The following CDK15 variants were observed in gnomAD, a reference collection of about 807,000 sequenced individuals.
The protein encoded by CDK15 is cyclin dependent kinase 15.
Under a neutral mutation model 60.3 loss-of-function variants are expected in CDK15, and 62 were observed. That is an observed-to-expected ratio of 1.03 (90% CI 0.84 to 1.27). The LOEUF is 1.27. Among genes scored for constraint, CDK15 ranks in the 50% most tolerant of loss-of-function variants. The pLI, the probability that CDK15 is intolerant of heterozygous loss-of-function variation, is 0.00. For synonymous variants in CDK15, 194 were observed against 195.7 expected, an observed-to-expected ratio of 0.99 and a Z score of 0.07; for missense variants, 541 against 527.8, an observed-to-expected ratio of 1.03 and a Z score of -0.25.
chr2:201,856,103 C>T (rs1349345210), intron 10 of CDK15, among the ~76,000 whole-genome samples: 1 of 152,190 alleles, frequency 6.6e-6, no homozygotes, highest in Admixed American at 6.5e-5. Flanking sequence ...GCTGGGATTA[C>T]AGGCATGAGC....
chr2:201,858,962 T>C (rs1203960830), intron 10 of CDK15, among the ~76,000 whole-genome samples: 1 of 152,046 alleles, frequency 6.6e-6, no homozygotes, highest in Non-Finnish European at 1.5e-5. Context: ...CACCCCCTTT[T>C]CACATGCTAA....
Position 201,806,583 on chromosome 2 carries a change from G to A in CDK15, c.-82G>A. On this transcript the variant is annotated 5_prime_UTR_variant, in exon 1 of 14. Transcript: ENST00000652192. ...TGAAAGCTCCACGCTGCTGACCTCTGGCAAAAAGGGAGAGAACAAGGATAG... is the reference window on the plus strand; with the variant it reads ...TGAAAGCTCCACGCTGCTGACCTCTAGCAAAAAGGGAGAGAACAAGGATAG... 2 of 1,447,092 alleles carry A rather than the reference G, an allele frequency of 1.4e-6. No homozygotes were observed. Among genetic ancestry groups the A allele is most frequent in the Non-Finnish European group, 1.8e-6 (2 of 1,089,328 alleles). The allele number at this position is 1,447,092 out of a possible 1,614,324, so 89.6% of individuals were successfully genotyped here. A position where few individuals can be genotyped will look rare whatever the true frequency, so the allele number is the denominator to read the frequency against.
chr2:201,862,914 C>T (rs570951829), intron 10 of CDK15, among the ~76,000 whole-genome samples: 6 of 152,286 alleles, frequency 3.9e-5, no homozygotes, highest in African/African-American at 7.2e-5. Context: ...TCCACCCAGA[C>T]GTGATTTTAG....
chr2:201,845,834 TAAAA>T (rs762600745), intron 8 of CDK15, among the ~76,000 whole-genome samples: 2 of 142,964 alleles, frequency 1.4e-5, no homozygotes, highest in African/African-American at 5.0e-5. Context: ...GGTTTGCGGT[TAAAA>T]AAAAAAAAGA....
chr2:201,869,320 A>T (rs893551859), intron 10 of CDK15, among the ~76,000 whole-genome samples: 4 of 146,058 alleles, frequency 2.7e-5, no homozygotes, highest in East Asian at 2.3e-4. Context: ...ACAGGGGGGA[A>T]TTGAACAATG....
chr2:201,833,024 C>T (rs142168960), intron 6 of CDK15, among the ~76,000 whole-genome samples: 174 of 140,704 alleles, frequency 1.2e-3, no homozygotes, highest in Non-Finnish European at 2.2e-3. Flanking sequence ...TCTTTTTTTC[C>T]CGTAAGTTTC....
At chr2:201,887,040 A>C (rs1398927853) in intron 12 of CDK15, among the ~76,000 whole-genome samples, 1 of 152,248 alleles carries the variant, frequency 6.6e-6, no homozygotes, top group Non-Finnish European at 1.5e-5. Flanking sequence ...TAAAACCTAG[A>C]TTAATGAAAA....
intron 8 of CDK15, among the ~76,000 whole-genome samples, chr2:201,842,717 TAGG>T (rs1697452016): frequency 6.6e-6 from 1 of 152,164 alleles, no homozygotes; most frequent in African/African-American, 2.4e-5. Context: ...AGAGAAAAAG[TAGG>T]AGGAGAACCA....
chr2:201,880,574 G>A (rs899473656), intron 12 of CDK15, among the ~76,000 whole-genome samples: 1 of 152,192 alleles, frequency 6.6e-6, no homozygotes, highest in Non-Finnish European at 1.5e-5. Flanking sequence ...TAGGTGAAGC[G>A]GATATGTCCT....
chr2:201,864,668 C>T (rs1323337505), intron 10 of CDK15, among the ~76,000 whole-genome samples: 2 of 151,976 alleles, frequency 1.3e-5, no homozygotes, highest in East Asian at 3.9e-4. Context: ...CCCAAAGTGC[C>T]GGGATTACAG....
chr2:201,819,028 G>C (rs558967157), intron 4 of CDK15, among the ~76,000 whole-genome samples: 8 of 152,060 alleles, frequency 5.3e-5, no homozygotes. Context: ...CAATTGTGGA[G>C]ACAGACAATA....
intron 3 of CDK15, among the ~76,000 whole-genome samples, chr2:201,811,905 G>A (rs1695783755): frequency 6.6e-6 from 1 of 152,200 alleles, no homozygotes; most frequent in South Asian, 2.1e-4. Flanking sequence ...GGGCTTGGTG[G>A]CTCGTGCCTG....
At chr2:201,871,790 T>C (rs1698858889) in intron 10 of CDK15, among the ~76,000 whole-genome samples, 1 of 151,950 alleles carries the variant, frequency 6.6e-6, no homozygotes, top group Non-Finnish European at 1.5e-5. Context: ...GTTGGCAGAG[T>C]TGGTTCCGTG....
At chr2:201,833,056 A>G (rs1388280680) in intron 6 of CDK15, among the ~76,000 whole-genome samples, 1 of 151,992 alleles carries the variant, frequency 6.6e-6, no homozygotes, top group Non-Finnish European at 1.5e-5. Flanking sequence ...GAACCTAGTT[A>G]ATGGCTTTGG....
chr2:201,888,833 C>T, intron 12 of CDK15: 5 of 1,081,194 alleles, frequency 4.6e-6, no homozygotes, highest in African/African-American at 1.7e-5. Context: ...GGATACTTCT[C>T]CCCGAGAGAA....
At chr2:201,876,655 C>T in intron 11 of CDK15, 1 of 972,776 alleles carries the variant, frequency 1.0e-6, no homozygotes, top group Non-Finnish European at 1.4e-6. Flanking sequence ...CACCAGAAGC[C>T]CTGAAACAAC....
intron 12 of CDK15, chr2:201,888,615 C>A (rs1699542101): frequency 7.0e-7 from 1 of 1,420,654 alleles, no homozygotes; most frequent in East Asian, 2.6e-5. Flanking sequence ...CCTCCTTTTT[C>A]TTTTTCTATG....
In CDK15 at chr2:201,894,380, G is replaced by A. The variant is rs1699721563; in HGVS notation, c.*1113G>A. 1 of 152,180 alleles carries A rather than the reference G, an allele frequency of 6.6e-6. No homozygotes were observed. Among genetic ancestry groups the A allele is most frequent in the African/African-American group, 2.4e-5 (1 of 41,438 alleles). 9.4% of individuals were successfully genotyped at this position (152,180 alleles called of 1,614,324 possible). ...ACACATGGGTAGCCCAAATCAACCTGCCTGAGTAAGTATCTGATTTTAGTA... is the reference window on the plus strand; with the variant it reads ...ACACATGGGTAGCCCAAATCAACCTACCTGAGTAAGTATCTGATTTTAGTA... On this transcript the variant is annotated 3_prime_UTR_variant, in exon 14 of 14. Transcript: ENST00000652192.
intron 11 of CDK15, 70 bp downstream of exon 11, chr2:201,872,396 C>A: frequency 6.6e-7 from 1 of 1,515,560 alleles, no homozygotes; most frequent in Non-Finnish European, 9.2e-7. Flanking sequence ...TTCCCTGGAT[C>A]TCAGTCCACT....
Sources: gnomAD v4.1 joint callset for allele counts (sites outside exome capture counted in the v4.1 genomes callset) on GRCh38, gnomAD v4.1.1 for gene constraint, MANE v1.5 for transcripts, NCBI Gene and HGNC (gene_info 2026-07-23, HGNC 2026-07-21) for gene names.